The following CCDC91 variants were observed in gnomAD, a reference collection of about 807,000 sequenced individuals.
The protein encoded by CCDC91 is coiled-coil domain-containing protein 91.
In CCDC91, 48 loss-of-function variants were observed where a neutral mutation model predicts 63.2. That is an observed-to-expected ratio of 0.76 (90% CI 0.60 to 0.97). The LOEUF is 0.97. Ranked by LOEUF, CCDC91 falls within the 50% of genes least tolerant of loss-of-function variation. CCDC91 has a pLI of 0.00. For synonymous variants in CCDC91, 167 were observed against 165.8 expected, an observed-to-expected ratio of 1.01 and a Z score of -0.06; for missense variants, 500 against 494.6, an observed-to-expected ratio of 1.01 and a Z score of -0.10.
chr12:28,402,605 ATTTC>A (rs1946706599), intron 8 of CCDC91, among the ~76,000 whole-genome samples: 2 of 106,322 alleles, frequency 1.9e-5, no homozygotes, highest in South Asian at 3.3e-4. Context: ...AAAAAAAATT[ATTTC>A]TTTCTTCTCA....
intron 6 of CCDC91, among the ~76,000 whole-genome samples, chr12:28,318,153 C>G (rs1282449468): frequency 6.6e-6 from 1 of 151,660 alleles, no homozygotes; most frequent in African/African-American, 2.4e-5. Context: ...TTAATTTTAT[C>G]ACCTAAATAT....
At chr12:28,331,278 T>G (rs1941486117) in intron 6 of CCDC91, among the ~76,000 whole-genome samples, 1 of 152,200 alleles carries the variant, frequency 6.6e-6, no homozygotes, top group South Asian at 2.1e-4. Flanking sequence ...TGCTTGTGGT[T>G]TTTGAGTTGT....
chr12:28,301,568 T>C (rs1186913214), intron 3 of CCDC91, among the ~76,000 whole-genome samples: 1 of 151,674 alleles, frequency 6.6e-6, no homozygotes, highest in Non-Finnish European at 1.5e-5. Flanking sequence ...ACTATTAATG[T>C]TATGTTAATT....
intron 8 of CCDC91, among the ~76,000 whole-genome samples, chr12:28,408,888 C>A (rs1947138590): frequency 1.3e-5 from 2 of 152,076 alleles, no homozygotes; most frequent in African/African-American, 4.8e-5. Flanking sequence ...AGTGATCCAC[C>A]CACCTCTGCC....
In CCDC91 at chr12:28,326,696, C is replaced by T. The variant is rs553709894; in HGVS notation, c.576+18947C>T. Among the ~76,000 whole-genome samples the T allele has an allele frequency of 4.0e-5, 6 of 151,598 alleles. No individual in the cohort carries two copies. In the South Asian group the frequency reaches 1.0e-3, roughly 26 times the overall value. On this transcript the variant is annotated intron_variant, in intron 6 of 12. Coordinates refer to ENST00000536442, the MANE Select transcript of CCDC91 (RefSeq NM_018318.5). ...TTTTTAAAGCTATTTTCTGAGACAA[C>T]GTTAAATCTCCATTCTATTTATAGA... is the stretch of plus-strand genomic sequence containing the variant.
chr12:28,528,453 C>A (rs1941463912), intron 12 of CCDC91, among the ~76,000 whole-genome samples: 1 of 152,218 alleles, frequency 6.6e-6, no homozygotes, highest in African/African-American at 2.4e-5. Flanking sequence ...CCTGCTTCCA[C>A]AGTTTGGGCA....
intron 8 of CCDC91, among the ~76,000 whole-genome samples, chr12:28,418,155 T>C (rs1947792897): frequency 6.6e-6 from 1 of 152,128 alleles, no homozygotes; most frequent in Admixed American, 6.6e-5. Context: ...CCAATGTGGC[T>C]GTACCATTTT....
At chr12:28,352,422 C>G (rs1256482641) in intron 6 of CCDC91, among the ~76,000 whole-genome samples, 3 of 152,198 alleles carry the variant, frequency 2.0e-5, no homozygotes, top group East Asian at 3.9e-4. Context: ...AGTAAGTTCT[C>G]TCAATTCCTG....
At chr12:28,289,583 G>A (rs1949096960) in intron 3 of CCDC91, among the ~76,000 whole-genome samples, 1 of 151,736 alleles carries the variant, frequency 6.6e-6, no homozygotes, top group African/African-American at 2.4e-5. Flanking sequence ...TTGTTGAGGA[G>A]CATTTTATGT....
At chr12:28,340,147 A>G (rs1942310068) in intron 6 of CCDC91, among the ~76,000 whole-genome samples, 1 of 152,230 alleles carries the variant, frequency 6.6e-6, no homozygotes, top group Non-Finnish European at 1.5e-5. Context: ...AAAAATGTTT[A>G]ACTCATTTAA....
At chr12:28,259,282 C>A in intron 2 of CCDC91, 82 bp from the exon 3 acceptor site, 1 of 953,502 alleles carries the variant, frequency 1.0e-6, no homozygotes, top group South Asian at 1.3e-5. Flanking sequence ...GAAGATATGC[C>A]TATTGAACTG....
At chr12:28,375,691 CT>C (rs1490425884) in intron 7 of CCDC91, among the ~76,000 whole-genome samples, 1 of 151,876 alleles carries the variant, frequency 6.6e-6, no homozygotes, top group Non-Finnish European at 1.5e-5. Flanking sequence ...TCTTGGAAGA[CT>C]ACATAGGCAC....
intron 7 of CCDC91, among the ~76,000 whole-genome samples, chr12:28,373,768 C>T (rs1207575830): frequency 6.6e-6 from 1 of 152,140 alleles, no homozygotes; most frequent in Non-Finnish European, 1.5e-5. Context: ...ATAATCCCTA[C>T]ATGTCGTGAC....
At chr12:28,425,009 G>A (rs73265412) in intron 8 of CCDC91, among the ~76,000 whole-genome samples, 2,369 of 152,234 alleles carry the variant, frequency 0.016, 48 homozygotes, top group African/African-American at 0.052. Flanking sequence ...CTAGTGGCAT[G>A]TACTTGAGGA....
At chr12:28,314,741 G>A (rs931136690) in intron 6 of CCDC91, among the ~76,000 whole-genome samples, 1 of 151,830 alleles carries the variant, frequency 6.6e-6, no homozygotes, top group African/African-American at 2.4e-5. Context: ...AAACAATAAG[G>A]ATTTTATATT....
chr12:28,195,415 G>A (rs7974882), intron 1 of CCDC91, among the ~76,000 whole-genome samples: 39,580 of 151,910 alleles, frequency 0.26, 5,397 homozygotes, highest in Non-Finnish European at 0.31. Context: ...CACCTGACCC[G>A]GAAGTCCAGC....
chr12:28,320,138 TATAAA>T (rs1235836221), intron 6 of CCDC91, among the ~76,000 whole-genome samples: 2 of 151,950 alleles, frequency 1.3e-5, no homozygotes, highest in Non-Finnish European at 2.9e-5. Flanking sequence ...TTTCATCTCT[TATAAA>T]TTTAAGAACC....
At chr12:28,248,890 A>G (rs927936738) in intron 1 of CCDC91, among the ~76,000 whole-genome samples, 2 of 152,228 alleles carry the variant, frequency 1.3e-5, no homozygotes, top group African/African-American at 4.8e-5. Context: ...GAGAGAGCCA[A>G]GTCTCTGAGA....
intron 6 of CCDC91, among the ~76,000 whole-genome samples, chr12:28,324,870 T>C (rs1262731315): frequency 6.6e-6 from 1 of 151,872 alleles, no homozygotes; most frequent in Non-Finnish European, 1.5e-5. Flanking sequence ...TTTGAAATGA[T>C]ATTTTTCTTT....
Sources: allele counts gnomAD v4.1 joint callset (sites outside exome capture counted in the v4.1 genomes callset), GRCh38; gene constraint gnomAD v4.1.1; transcripts MANE v1.5; gene names NCBI Gene and HGNC (gene_info 2026-07-23, HGNC 2026-07-21).